Variants in VPS50 observed in about 807,000 individuals in gnomAD.
VPS50 encodes VPS50 subunit of EARP/GARPII complex.
In VPS50, 70 loss-of-function variants were observed where a neutral mutation model predicts 139.7. The observed-to-expected ratio is 0.50, with a 90% CI of 0.41 to 0.61. The LOEUF is 0.61. VPS50 is among the 20% of genes least tolerant of loss of function. VPS50 has a pLI of 0.00. For missense variants in VPS50, 921 were observed against 1,133.7 expected (o/e 0.81, Z 2.69); for synonymous variants, 365 against 376.7 (o/e 0.97, Z 0.36).
chr7:93,292,928 T>A (rs1424865941), intron 13 of VPS50, among the ~76,000 whole-genome samples: 3 of 152,124 alleles, frequency 2.0e-5, no homozygotes, highest in Non-Finnish European at 4.4e-5. Flanking sequence ...CTTATACTTT[T>A]ACCCTGTACT....
intron 11 of VPS50, among the ~76,000 whole-genome samples, chr7:93,275,328 T>C (rs569847723): frequency 2.0e-5 from 3 of 152,164 alleles, no homozygotes; most frequent in Non-Finnish European, 4.4e-5. Context: ...CATCGCATGC[T>C]ACAGAGAAAT....
rs760217009 is a variant in VPS50, at chr7:93,334,213, G to A, written c.2058+16G>A. 9.8e-6 allele frequency: 13 copies of A among 1,322,120 alleles called. No individual in the cohort carries two copies. The highest frequency in any genetic ancestry group is 8.0e-5 in the Admixed American group (4 of 49,974). 81.9% of individuals were successfully genotyped at this position (1,322,120 alleles called of 1,614,324 possible). ...TATTGATCTAGTAAGTAACGAATTG[G>A]AATAAATTCTTTTGGATTATATAAA... On this transcript the variant is annotated intron_variant, in intron 22 of 27. Transcript: ENST00000305866.
chr7:93,248,546 TTGG>T (rs1372907094), intron 2 of VPS50, among the ~76,000 whole-genome samples: 1 of 152,110 alleles, frequency 6.6e-6, no homozygotes, highest in African/African-American at 2.4e-5. Flanking sequence ...TTACTAAGAG[TTGG>T]TGGAAAATTT....
At chr7:93,311,065 C>T in intron 19 of VPS50, 101 bp from the exon 20 acceptor site, 1 of 700,676 alleles carries the variant, frequency 1.4e-6, no homozygotes, top group Non-Finnish European at 2.6e-6. Flanking sequence ...GTAAGATTTT[C>T]ATTAAATAAT....
intron 12 of VPS50, among the ~76,000 whole-genome samples, chr7:93,277,714 A>G (rs984124453): frequency 1.3e-5 from 2 of 152,178 alleles, no homozygotes; most frequent in Non-Finnish European, 2.9e-5. Context: ...TACAGATTTT[A>G]TGATTACTAA....
intron 22 of VPS50, 33 bp downstream of exon 22, chr7:93,334,230 T>C: frequency 8.5e-7 from 1 of 1,182,260 alleles, no homozygotes; most frequent in South Asian, 1.3e-5. Flanking sequence ...TTCTTTTGGA[T>C]TATATAAAAT....
intron 12 of VPS50, among the ~76,000 whole-genome samples, chr7:93,287,700 TAA>T (rs1796531339): frequency 6.6e-6 from 1 of 152,142 alleles, no homozygotes. Context: ...GTTGGGCTAA[TAA>T]AAGTTAGAAC....
At chr7:93,236,369 C>T (rs140996079) in intron 1 of VPS50, among the ~76,000 whole-genome samples, 3 of 152,046 alleles carry the variant, frequency 2.0e-5, no homozygotes, top group Non-Finnish European at 2.9e-5. Context: ...TGAGTTTTGC[C>T]GAAAGGAGAA....
chr7:93,262,252 TC>T (rs1441024346), intron 9 of VPS50, among the ~76,000 whole-genome samples: 1 of 152,196 alleles, frequency 6.6e-6, no homozygotes, highest in African/African-American at 2.4e-5. Flanking sequence ...TAATTAAAAA[TC>T]TATTTTAGCT....
intron 12 of VPS50, among the ~76,000 whole-genome samples, chr7:93,277,285 T>C (rs1373624986): frequency 6.6e-6 from 1 of 152,170 alleles, no homozygotes; most frequent in Non-Finnish European, 1.5e-5. Flanking sequence ...AATATGGTAA[T>C]ATTAAAGGAT....
chr7:93,261,539 C>G (rs1348502945), intron 9 of VPS50, among the ~76,000 whole-genome samples: 3 of 151,594 alleles, frequency 2.0e-5, no homozygotes, highest in Non-Finnish European at 4.4e-5. Flanking sequence ...TTAGCCGGGC[C>G]TGGTGGCGGG....
chr7:93,259,477 G>A, intron 8 of VPS50, 73 bp from the exon 9 acceptor site: 1 of 766,170 alleles, frequency 1.3e-6, no homozygotes, highest in East Asian at 2.5e-5. Context: ...AATATGAACA[G>A]AGATTTTTTT....
At chr7:93,256,377 T>C (rs1443410837) in intron 4 of VPS50, 132 bp from the exon 5 acceptor site, 3 of 490,142 alleles carry the variant, frequency 6.1e-6, no homozygotes, top group Non-Finnish European at 1.1e-5. Context: ...ATGGCCATAG[T>C]ATGCCAATAT....
At chr7:93,258,132 TTAAC>T in intron 6 of VPS50, 23 bp from the exon 7 acceptor site, 1 of 950,284 alleles carries the variant, frequency 1.1e-6, no homozygotes, top group Non-Finnish European at 1.7e-6. Context: ...TAAAAAACTT[TTAAC>T]TATTTATTGT....
At chr7:93,301,408 G>A (rs1796970874) in intron 16 of VPS50, among the ~76,000 whole-genome samples, 1 of 152,062 alleles carries the variant, frequency 6.6e-6, no homozygotes, top group Non-Finnish European at 1.5e-5. Context: ...GAATAATGCA[G>A]GAACCAACTT....
chr7:93,323,239 T>C (rs1797670622), intron 20 of VPS50: 1 of 152,198 alleles, frequency 6.6e-6, no homozygotes, highest in Admixed American at 6.5e-5. Context: ...TTATTTTAAA[T>C]GGAAACTCCT....
intron 23 of VPS50, among the ~76,000 whole-genome samples, chr7:93,342,851 C>T (rs1798263992): frequency 6.6e-6 from 1 of 152,060 alleles, no homozygotes; most frequent in African/African-American, 2.4e-5. Flanking sequence ...TCATCAAAGA[C>T]CAAAAGTAGA....
At chr7:93,248,488 T>C (rs1484063088) in intron 2 of VPS50, among the ~76,000 whole-genome samples, 1 of 152,130 alleles carries the variant, frequency 6.6e-6, no homozygotes, top group Non-Finnish European at 1.5e-5. Context: ...TGTAAAATAT[T>C]CCTAAATCAG....
chr7:93,320,447 G>A (rs1366644038), intron 20 of VPS50: 3 of 152,270 alleles, frequency 2.0e-5, no homozygotes, highest in South Asian at 2.0e-4. Flanking sequence ...TCCGCCTCCC[G>A]GGTTCAAGCC....
Sources: allele counts gnomAD v4.1 joint callset (sites outside exome capture counted in the v4.1 genomes callset), GRCh38; gene constraint gnomAD v4.1.1; transcripts MANE v1.5; gene names NCBI Gene and HGNC (gene_info 2026-07-23, HGNC 2026-07-21).